The following GGA1 variants were observed in gnomAD, a reference collection of about 807,000 sequenced individuals.
The protein encoded by GGA1 is ADP-ribosylation factor-binding protein GGA1.
In GGA1, 18 loss-of-function variants were observed where a neutral mutation model predicts 76.9. The observed-to-expected ratio is 0.23, with a 90% CI of 0.16 to 0.35. The LOEUF is 0.35. Among genes scored for constraint, GGA1 ranks in the 10% least tolerant of loss-of-function variants. The probability of loss-of-function intolerance (pLI) is 1.00; values close to 1 mark genes in which losing one functional copy is unlikely to be tolerated. For synonymous variants in GGA1, 342 were observed against 354.7 expected (o/e 0.96, Z 0.40); for missense variants, 755 against 859.0 (o/e 0.88, Z 1.51).
chr22:37,620,961 G>A (rs956347562), intron 6 of GGA1, 48 bp downstream of exon 6: 5 of 1,165,410 alleles, frequency 4.3e-6, no homozygotes, highest in African/African-American at 3.0e-5. Context: ...CCAGGTGGGG[G>A]TCCGTGGGTT....
chr22:37,623,668 C>CG lies in GGA1; in HGVS notation c.832+35_832+36insG, dbSNP rs1568985581. The CG allele has an allele frequency of 1.5e-5, 21 of 1,373,386 alleles. No homozygotes were observed. Among genetic ancestry groups the CG allele is most frequent in the Non-Finnish European group, 2.0e-5 (20 of 985,378 alleles). 85.1% of individuals were successfully genotyped at this position (1,373,386 alleles called of 1,614,324 possible). ...GGGCAGGTGCTGAGGTCAGGTCCCC[C>CG]CCTCTCCCTCCACCTCCTGCCCCCA... On this transcript the variant is annotated intron_variant, in intron 9 of 16. Coordinates refer to ENST00000343632, the MANE Select transcript of GGA1 (RefSeq NM_013365.5). The surrounding 1 kb of genome is among the most constrained non-coding windows in gnomAD (Gnocchi z 4.6).
intron 4 of GGA1, 108 bp downstream of exon 4, chr22:37,618,654 T>A: frequency 1.5e-6 from 1 of 670,544 alleles, no homozygotes; most frequent in Non-Finnish European, 2.8e-6. Flanking sequence ...CACTGGGGTG[T>A]CACCTCAGCC....
chr22:37,620,186 G>A, intron 4 of GGA1, 52 bp from the exon 5 acceptor site: 2 of 1,608,584 alleles, frequency 1.2e-6, no homozygotes, highest in Non-Finnish European at 1.7e-6. Flanking sequence ...GCTTGAGACT[G>A]AAGTGAGTGG....
rs775393467 is a variant in GGA1 at position 37,625,862 on chromosome 22, G to C, written c.1006G>C (p.Ala336Pro). 5.6e-6 allele frequency: 9 copies of C among 1,611,928 alleles called. No individual in the cohort carries two copies. The East Asian group carries it at 1.3e-4, about 24-fold the overall frequency. Residue 336 changes from alanine (A) to proline (P), a missense_variant, in exon 11 of 17, where the codon GCT (alanine) becomes CCT (proline). By Grantham distance (27) the Ala-to-Pro change is conservative. Coordinates refer to ENST00000343632, the MANE Select transcript of GGA1 (RefSeq NM_013365.5). The surrounding 1 kb of genome is among the most constrained non-coding windows in gnomAD (Gnocchi z 4.1). ...DLPPAGTTYP[A>P]MPTRPGEQAS... ...CCCGCCTGCGGGCACCACCTACCCA[G>C]CTATGCCCACCCGCCCTGGCGAGCA...
At chr22:37,609,659 G>A (rs1927129503) in intron 1 of GGA1, among the ~76,000 whole-genome samples, 1 of 151,924 alleles carries the variant, frequency 6.6e-6, no homozygotes, top group Non-Finnish European at 1.5e-5. Context: ...AGGCTTCCTA[G>A]CCCGCAAACC....
chr22:37,619,898 G>T, intron 4 of GGA1: 1 of 730,552 alleles, frequency 1.4e-6, no homozygotes. Flanking sequence ...CCCCTCCCTG[G>T]GCAGCCTGGA....
rs758593103 is a variant in GGA1 at position 37,625,846 on chromosome 22, G to T, written c.990G>T (p.Ala330=). 6.2e-7 allele frequency: 1 copy of T among 1,611,292 alleles called. No homozygotes were observed. The highest frequency in any genetic ancestry group is 8.5e-7 in the Non-Finnish European group (1 of 1,178,368). ...TCTCAGGCCTGGATCTCCCGCCTGC[G>T]GGCACCACCTACCCAGCTATGCCCA... is the stretch of plus-strand genomic sequence containing the variant. ...LDLSGLDLPP[A]GTTYPAMPTR... The change falls in exon 11 of 17, where the codon GCG becomes GCT. Residue 330 remains alanine (A), a synonymous_variant. Transcript: ENST00000343632. This position sits in a 1 kb window ranked among gnomAD's most constrained non-coding sequence, Gnocchi z 4.1.
At chr22:37,616,841 G>A in intron 2 of GGA1, 81 bp from the exon 3 acceptor site, 1 of 1,445,454 alleles carries the variant, frequency 6.9e-7, no homozygotes, top group Non-Finnish European at 9.1e-7. Flanking sequence ...GAGGGCTGCA[G>A]TCCCAGCGGC....
In GGA1 at chr22:37,623,347, G is replaced by T. The variant is rs1930224523; in HGVS notation, c.630G>T (p.Lys210Asn). Residue 210 changes from lysine (K) to asparagine (N), a missense_variant, in exon 8 of 17, where the codon AAG becomes AAT. Transcript: ENST00000343632. This position sits in a 1 kb window ranked among gnomAD's most constrained non-coding sequence, Gnocchi z 4.6. ...MVQEDQKRME[K>N]ISKRVNAIEE... ...CCCAGGACCAGAAGCGGATGGAGAA[G>T]ATCTCGAAGAGGGTGAATGCCATCG... The T allele has an allele frequency of 6.2e-7, 1 of 1,613,970 alleles. No homozygotes were observed. The highest frequency in any genetic ancestry group is 1.3e-5 in the African/African-American group (1 of 74,942).
chr22:37,620,910 C>T lies in GGA1; in HGVS notation c.525C>T (p.Ser175=). The T allele has an allele frequency of 6.3e-7, 1 of 1,587,372 alleles. No homozygotes were observed. Among genetic ancestry groups the T allele is most frequent in the Non-Finnish European group, 8.7e-7 (1 of 1,155,540 alleles). The change falls in exon 6 of 17, where the codon TCC becomes TCT. Residue 175 remains serine, a synonymous_variant. Transcript: ENST00000343632. The stretch of plus-strand genomic sequence containing the variant: ...TGATCTTTGAAGATGAGGAGAAATC[C>T]AAGGTGAGACTCCAAGGAGGCACAT... ...KNVIFEDEEK[S]KMLARLLKSS...
At chr22:37,613,601 G>A (rs546747715) in intron 1 of GGA1, among the ~76,000 whole-genome samples, 19 of 151,982 alleles carry the variant, frequency 1.3e-4, no homozygotes. Flanking sequence ...GGGTTTCATC[G>A]TGTTAGCTAG....
chr22:37,619,496 A>G, intron 4 of GGA1, among the ~76,000 whole-genome samples: 1 of 150,938 alleles, frequency 6.6e-6, no homozygotes, highest in East Asian at 2.0e-4. Context: ...CTCCTGCCTC[A>G]TCCTCCAGAG....
intron 13 of GGA1, chr22:37,630,692 G>A: frequency 5.4e-6 from 3 of 556,680 alleles, no homozygotes. Flanking sequence ...TCAGGCTCCT[G>A]AGTAGCTGGG....
At position 37,625,314 on chromosome 22, in the gene GGA1, A is replaced by C. The variant is rs182646155; in HGVS notation, c.940+238A>C. On this transcript the variant is annotated intron_variant, in intron 10 of 16. Coordinates refer to ENST00000343632, the MANE Select transcript of GGA1 (RefSeq NM_013365.5). This position sits in a 1 kb window ranked among gnomAD's most constrained non-coding sequence, Gnocchi z 4.1. ...TTTGGTGAGGACAGGCAGAAGAAGG[A>C]AGGCATTCTTTCATTTGACAAATCT... 5.0e-4 allele frequency among the ~76,000 whole-genome samples: 76 copies of C among 152,232 alleles called. No individual in the cohort carries two copies. Among genetic ancestry groups the C allele is most frequent in the Middle Eastern group, 3.4e-3 (1 of 294 alleles).
intron 1 of GGA1, chr22:37,610,634 C>T (rs1927339194): frequency 6.6e-6 from 1 of 151,650 alleles, no homozygotes; most frequent in African/African-American, 2.4e-5. Flanking sequence ...AGCCACTCAT[C>T]CGCCCACGTC....
rs1323399438 is a variant in GGA1 at position 37,625,228 on chromosome 22, G to T, written c.940+152G>T. On this transcript the variant is annotated intron_variant, in intron 10 of 16. Transcript: ENST00000343632. The surrounding 1 kb of genome is among the most constrained non-coding windows in gnomAD (Gnocchi z 4.1). ...GGGAAGGCCCCAGGGAGGGAGCTGG[G>T]GGTGAAGTCTGTGCCAAGCCTGCAG... is the stretch of plus-strand genomic sequence containing the variant. The T allele has an allele frequency of 1.3e-5, 9 of 691,074 alleles. No individual in the cohort carries two copies. Among genetic ancestry groups the T allele is most frequent in the Non-Finnish European group, 2.2e-5 (9 of 408,998 alleles). 42.8% of individuals were successfully genotyped at this position (691,074 alleles called of 1,614,324 possible).
Position 37,632,265 on chromosome 22 carries a change from TTGC to T in GGA1, c.1698+103_1698+105del. ...CTGTCAGGGGGCAGGTCTCCCTCCCTTGCTGGGTGGTTGGTGTAGAAGGGACCA... is the reference window on the plus strand; with the variant it reads ...CTGTCAGGGGGCAGGTCTCCCTCCCTTGGGTGGTTGGTGTAGAAGGGACCA... On this transcript the variant is annotated intron_variant, in intron 15 of 16. Transcript: ENST00000343632. The surrounding 1 kb of genome is among the most constrained non-coding windows in gnomAD (Gnocchi z 5.1). 1.1e-5 allele frequency: 15 copies of T among 1,347,456 alleles called. No homozygotes were observed. The highest frequency in any genetic ancestry group is 1.6e-5 in the Non-Finnish European group (15 of 956,576). 83.5% of individuals were successfully genotyped at this position (1,347,456 alleles called of 1,614,324 possible). A position where few individuals can be genotyped will look rare whatever the true frequency, so the allele number is the denominator to read the frequency against.
intron 1 of GGA1, 174 bp downstream of exon 1, chr22:37,609,077 G>A (rs1359581345): frequency 5.4e-6 from 8 of 1,489,470 alleles, no homozygotes; most frequent in African/African-American, 1.5e-5. Flanking sequence ...GGAGGACCCC[G>A]GCCCCGGCGC....
At chr22:37,622,537 C>T (rs1007090806) in intron 7 of GGA1, among the ~76,000 whole-genome samples, 1 of 152,302 alleles carries the variant, frequency 6.6e-6, no homozygotes, top group South Asian at 2.1e-4. Flanking sequence ...CCCACCTCAA[C>T]CTCCCAAGTA....
Sources: gnomAD v4.1 joint callset for allele counts (sites outside exome capture counted in the v4.1 genomes callset) on GRCh38, gnomAD v4.1.1 for gene constraint, Gnocchi (gnomAD v3.1) non-coding constraint, MANE v1.5 for transcripts, NCBI Gene and HGNC (gene_info 2026-07-23, HGNC 2026-07-21) for gene names.